The following C1QTNF3 variants were observed in gnomAD, a reference collection of about 807,000 sequenced individuals.
C1QTNF3 encodes the protein complement C1q tumor necrosis factor-related protein 3.
A neutral mutation model predicts 32.6 loss-of-function variants in C1QTNF3; 26 were observed. The observed-to-expected ratio is 0.80, with a 90% CI of 0.58 to 1.11. C1QTNF3 has a LOEUF of 1.11. Ranked by LOEUF, C1QTNF3 falls within the 50% of genes least tolerant of loss-of-function variation. The pLI is 0.00. For missense variants in C1QTNF3, 362 were observed against 398.2 expected (o/e 0.91, Z 0.77); for synonymous variants, 155 against 146.0 (o/e 1.06, Z -0.44).
At chr5:34,175,703 T>A in the C1QTNF3 span, 1 of 652,422 alleles carries the variant, frequency 1.5e-6, no homozygotes, top group Non-Finnish European at 2.8e-6. Flanking sequence ...CCTACATGGA[T>A]TAAACCAGCT....
At chr5:34,222,550 G>A in the C1QTNF3 span, among the ~76,000 whole-genome samples, 6 of 151,822 alleles carry the variant, frequency 4.0e-5, no homozygotes, top group African/African-American at 1.2e-4. Context: ...TATTGATTCT[G>A]TGCACATTTG....
the C1QTNF3 span, among the ~76,000 whole-genome samples, chr5:34,102,557 T>C: frequency 1.3e-5 from 2 of 152,060 alleles, no homozygotes; most frequent in Non-Finnish European, 2.9e-5. Context: ...ATGCGAATTT[T>C]TTTTTTGCCA....
chr5:34,039,958 T>G (rs937513152), intron 1 of C1QTNF3, among the ~76,000 whole-genome samples: 1 of 152,138 alleles, frequency 6.6e-6, no homozygotes, highest in South Asian at 2.1e-4. Flanking sequence ...GTGAGAGACT[T>G]CTGGTTACTA....
chr5:34,178,523 T>C, the C1QTNF3 span, among the ~76,000 whole-genome samples: 1 of 152,306 alleles, frequency 6.6e-6, no homozygotes, highest in African/African-American at 2.4e-5. Flanking sequence ...TCAATAAAAC[T>C]TCCCCTGGAG....
At chr5:34,136,247 C>G in the C1QTNF3 span, among the ~76,000 whole-genome samples, 1 of 152,212 alleles carries the variant, frequency 6.6e-6, no homozygotes, top group Non-Finnish European at 1.5e-5. Context: ...TGCAATCTAC[C>G]CATCTGACAA....
the C1QTNF3 span, among the ~76,000 whole-genome samples, chr5:34,208,830 A>C: frequency 3.3e-5 from 5 of 152,202 alleles, no homozygotes; most frequent in African/African-American, 1.2e-4. Context: ...TGCTTGCTCC[A>C]TATTGTCTTA....
the C1QTNF3 span, among the ~76,000 whole-genome samples, chr5:34,083,103 C>T: frequency 6.6e-6 from 1 of 150,984 alleles, no homozygotes; most frequent in African/African-American, 2.5e-5. Context: ...ACCTAATATA[C>T]ACATTTTTTA....
At chr5:34,125,871 T>C in the C1QTNF3 span, among the ~76,000 whole-genome samples, 2 of 152,190 alleles carry the variant, frequency 1.3e-5, no homozygotes, top group South Asian at 4.1e-4. Flanking sequence ...TAAATTTATT[T>C]AGCTTTTATT....
chr5:34,093,709 A>AC, the C1QTNF3 span, among the ~76,000 whole-genome samples: 1 of 149,506 alleles, frequency 6.7e-6, no homozygotes. Context: ...ATATATACCT[A>AC]CCCTAGCCTA....
the C1QTNF3 span, among the ~76,000 whole-genome samples, chr5:34,176,783 G>A: frequency 1.3e-5 from 2 of 151,996 alleles, no homozygotes; most frequent in Non-Finnish European, 2.9e-5. Flanking sequence ...CTTCAGTCCC[G>A]GAGGTCAAAG....
At chr5:34,184,715 C>CAAAAA in the C1QTNF3 span, among the ~76,000 whole-genome samples, 75 of 129,516 alleles carry the variant, frequency 5.8e-4, no homozygotes, top group Non-Finnish European at 8.0e-4. Flanking sequence ...GACTCTGTCT[C>CAAAAA]AAAAAAAAAA....
chr5:34,173,766 T>G, the C1QTNF3 span, among the ~76,000 whole-genome samples: 1 of 145,296 alleles, frequency 6.9e-6, no homozygotes. Flanking sequence ...TTTAGCATAT[T>G]ATCTCATTTT....
At chr5:34,055,203 T>A in the C1QTNF3 span, among the ~76,000 whole-genome samples, 1 of 152,258 alleles carries the variant, frequency 6.6e-6, no homozygotes, top group African/African-American at 2.4e-5. Context: ...AACTGACCAT[T>A]TGTTCTTTGT....
At chr5:34,053,657 T>C in the C1QTNF3 span, among the ~76,000 whole-genome samples, 1 of 152,178 alleles carries the variant, frequency 6.6e-6, no homozygotes, top group Admixed American at 6.5e-5. Context: ...ACAACAGGAT[T>C]TTAAGAAAAG....
chr5:34,138,039 A>G, the C1QTNF3 span, among the ~76,000 whole-genome samples: 1 of 152,216 alleles, frequency 6.6e-6, no homozygotes, highest in African/African-American at 2.4e-5. Context: ...ACACCAGACA[A>G]ATGCACACAC....
At chr5:34,216,833 CA>C in the C1QTNF3 span, among the ~76,000 whole-genome samples, 7 of 152,228 alleles carry the variant, frequency 4.6e-5, no homozygotes, top group East Asian at 1.4e-3. Context: ...CTTCTTACTT[CA>C]AAATCAACTG....
chr5:34,050,831 G>C, the C1QTNF3 span, among the ~76,000 whole-genome samples: 4 of 152,296 alleles, frequency 2.6e-5, no homozygotes, highest in African/African-American at 7.2e-5. Context: ...GCATATGTCA[G>C]CTTCTGTCTT....
At chr5:34,145,302 A>C in the C1QTNF3 span, among the ~76,000 whole-genome samples, 2 of 152,036 alleles carry the variant, frequency 1.3e-5, no homozygotes, top group South Asian at 4.1e-4. Flanking sequence ...TCCCATCAGA[A>C]ATTAGAAAGA....
chr5:34,195,077 T>G, the C1QTNF3 span, among the ~76,000 whole-genome samples: 2 of 151,762 alleles, frequency 1.3e-5, no homozygotes, highest in Admixed American at 6.6e-5. Context: ...CAATAACATA[T>G]TATATATTTG....
Sources: allele counts gnomAD v4.1 joint callset (sites outside exome capture counted in the v4.1 genomes callset), GRCh38; gene constraint gnomAD v4.1.1; transcripts MANE v1.5; gene names NCBI Gene and HGNC (gene_info 2026-07-23, HGNC 2026-07-21).